Variants in COL4A6 observed in about 807,000 individuals in gnomAD.
COL4A6 encodes collagen type IV alpha 6 chain, also known as collagen alpha-6(IV) chain.
Under a neutral mutation model 126.7 loss-of-function variants are expected in COL4A6, and 59 were observed. That is an observed-to-expected ratio of 0.47 (90% CI 0.38 to 0.58). COL4A6 has a LOEUF of 0.58. COL4A6 is among the 20% of genes least tolerant of loss of function. The pLI is 0.00. For missense variants in COL4A6, 1,285 were observed against 1,337.3 expected (o/e 0.96, Z 0.61); for synonymous variants, 547 against 496.6 (o/e 1.10, Z -1.35).
chrX:108,244,363 C>T (rs2036659388), intron 3 of COL4A6, among the ~76,000 whole-genome samples: 1 of 111,692 alleles, frequency 9.0e-6, no homozygotes, highest in African/African-American at 3.3e-5. Context: ...TGGTCATCTA[C>T]TGTGTGCTAT....
intron 2 of COL4A6, among the ~76,000 whole-genome samples, chrX:108,334,543 A>G (rs2039385407): frequency 8.9e-6 from 1 of 111,950 alleles, no homozygotes; most frequent in South Asian, 3.7e-4. Context: ...TTCATCCATT[A>G]GAGGCAATAA....
intron 2 of COL4A6, among the ~76,000 whole-genome samples, chrX:108,348,628 T>G (rs1210582764): frequency 8.9e-6 from 1 of 111,851 alleles, no homozygotes; most frequent in Non-Finnish European, 1.9e-5. Flanking sequence ...TTATCCTCAA[T>G]TTCAAAGATA....
chrX:108,162,389 A>T lies in COL4A6; in HGVS notation c.4216+503T>A, dbSNP rs142529423. Among the ~76,000 whole-genome samples, 115 of 107,978 alleles carry T rather than the reference A, an allele frequency of 1.1e-3. No homozygotes were observed. The East Asian group carries it at 0.024, about 23-fold the overall frequency. The allele number at this position is 107,978 out of a possible 115,157, so 93.8% of individuals were successfully genotyped here. On this transcript the variant is annotated intron_variant, in intron 41 of 44. Coordinates refer to ENST00000334504, the MANE Select transcript of COL4A6 (RefSeq NM_033641.4). ...AATAAAAAGAAGAAGAAGGAGGAGG[A>T]GGAAGAAGAAAAGAAGAAGAAGAAG...
At chrX:108,419,340 G>T (rs776456158) in intron 2 of COL4A6, among the ~76,000 whole-genome samples, 29 of 111,861 alleles carry the variant, frequency 2.6e-4, no homozygotes, top group African/African-American at 9.1e-4. Flanking sequence ...GAGTCTTATA[G>T]ATAGGATTAT....
intron 2 of COL4A6, among the ~76,000 whole-genome samples, chrX:108,428,965 T>C (rs2064134406): frequency 8.9e-6 from 1 of 111,926 alleles, no homozygotes; most frequent in Admixed American, 9.5e-5. Flanking sequence ...CCAAGAGAAA[T>C]GAAAACATGT....
intron 2 of COL4A6, among the ~76,000 whole-genome samples, chrX:108,324,199 T>G (rs1246446453): frequency 8.9e-6 from 1 of 112,237 alleles, no homozygotes; most frequent in Non-Finnish European, 1.9e-5. Flanking sequence ...GATTGTCTCC[T>G]CTGTTATTAA....
chrX:108,430,816 T>G (rs1398878465), intron 2 of COL4A6, among the ~76,000 whole-genome samples: 2 of 111,759 alleles, frequency 1.8e-5, no homozygotes, highest in Non-Finnish European at 3.8e-5. Flanking sequence ...AATTTCACCT[T>G]TAACTATACT....
At chrX:108,407,600 A>G (rs927829983) in intron 2 of COL4A6, among the ~76,000 whole-genome samples, 3 of 112,239 alleles carry the variant, frequency 2.7e-5, no homozygotes, top group Non-Finnish European at 1.9e-5. Flanking sequence ...CTACCAGGCA[A>G]TCTTTGCAGA....
At chrX:108,381,358 T>C (rs780396255) in intron 2 of COL4A6, among the ~76,000 whole-genome samples, 6 of 112,231 alleles carry the variant, frequency 5.3e-5, no homozygotes, top group African/African-American at 1.9e-4. Flanking sequence ...AGACCCAGTA[T>C]AGCCAGATTC....
chrX:108,431,814 CAG>C (rs1212039882), intron 2 of COL4A6, among the ~76,000 whole-genome samples: 2 of 111,699 alleles, frequency 1.8e-5, no homozygotes, highest in African/African-American at 6.5e-5. Flanking sequence ...AGAGAACAAA[CAG>C]AGAATGCAAA....
At chrX:108,387,003 T>C (rs756680645) in intron 2 of COL4A6, among the ~76,000 whole-genome samples, 1 of 112,031 alleles carries the variant, frequency 8.9e-6, no homozygotes, top group South Asian at 3.7e-4. Flanking sequence ...TTTTGTCTGG[T>C]TTGTCAAAGA....
intron 2 of COL4A6, among the ~76,000 whole-genome samples, chrX:108,344,949 G>T (rs1365771351): frequency 1.8e-5 from 2 of 111,848 alleles, no homozygotes; most frequent in Non-Finnish European, 3.8e-5. Context: ...CTAACCATGG[G>T]TGGGGGATGA....
intron 3 of COL4A6, among the ~76,000 whole-genome samples, chrX:108,308,311 C>T (rs993800679): frequency 4.5e-5 from 5 of 111,501 alleles, no homozygotes; most frequent in Admixed American, 9.5e-5. Context: ...GACTGACCTC[C>T]GATCAGATAT....
chrX:108,362,247 G>A (rs2040104081), intron 2 of COL4A6, among the ~76,000 whole-genome samples: 1 of 112,322 alleles, frequency 8.9e-6, no homozygotes, highest in Non-Finnish European at 1.9e-5. Context: ...AGGCCAAAAG[G>A]AATACAATCT....
intron 3 of COL4A6, among the ~76,000 whole-genome samples, chrX:108,272,660 G>C (rs1040059231): frequency 9.3e-4 from 103 of 110,380 alleles, no homozygotes; most frequent in African/African-American, 3.2e-3. Flanking sequence ...TCTTCTTACT[G>C]TTTGGTTATC....
chrX:108,405,522 C>T (rs1337187395), intron 2 of COL4A6, among the ~76,000 whole-genome samples: 1 of 111,402 alleles, frequency 9.0e-6, no homozygotes, highest in East Asian at 2.8e-4. Flanking sequence ...TTGTGAAGTC[C>T]TTTAGGTCAG....
intron 2 of COL4A6, among the ~76,000 whole-genome samples, chrX:108,388,741 TTCTTG>T (rs1448897357): frequency 1.8e-5 from 2 of 111,695 alleles, no homozygotes; most frequent in African/African-American, 6.5e-5. Context: ...TCTTAGTTAT[TTCTTG>T]TCTTCTGCTA....
rs141656095 is a variant in COL4A6 at position 108,163,055 on chromosome X, G to A, written c.4070-17C>T. 1,286 of 1,186,504 alleles carry A rather than the reference G, an allele frequency of 1.1e-3. 10 individuals are homozygous for A. In the African/African-American group the frequency reaches 0.021, roughly 19 times the overall value. ...CAGAAGAGCCTGTGGGCAGGTGGGG[G>A]AAATAAGAACATCAGGCTGAGGCAG... On this transcript the variant is annotated splice_polypyrimidine_tract_variant and intron_variant, in intron 40 of 44. Coordinates refer to ENST00000334504, the MANE Select transcript of COL4A6 (RefSeq NM_033641.4).
At chrX:108,378,270 C>A (rs183929540) in intron 2 of COL4A6, among the ~76,000 whole-genome samples, 1 of 111,319 alleles carries the variant, frequency 9.0e-6, no homozygotes, top group Admixed American at 9.6e-5. Context: ...TTTTAGGGAG[C>A]TTTTTGTTTG....
Sources: allele counts gnomAD v4.1 joint callset (sites outside exome capture counted in the v4.1 genomes callset), GRCh38; gene constraint gnomAD v4.1.1; transcripts MANE v1.5; gene names NCBI Gene and HGNC (gene_info 2026-07-23, HGNC 2026-07-21).